DCDC1: variants seen among roughly 807,000 people sequenced by gnomAD.
DCDC1 encodes doublecortin domain-containing protein 1.
Under a neutral mutation model 178.3 loss-of-function variants are expected in DCDC1, and 200 were observed. The observed-to-expected ratio is 1.12, with a 90% CI of 1.00 to 1.26. The LOEUF (loss-of-function observed/expected upper bound fraction) is 1.26, where lower values mean the gene tolerates loss of function less well. Among genes scored for constraint, DCDC1 ranks in the 50% most tolerant of loss-of-function variants. The pLI, the probability that DCDC1 is intolerant of heterozygous loss-of-function variation, is 0.00. For synonymous variants in DCDC1, 690 were observed against 604.8 expected (o/e 1.14, Z -2.07); for missense variants, 1,983 against 1,749.2 (o/e 1.13, Z -2.38).
chr11:30,986,489 T>C (rs986243552), intron 20 of DCDC1, among the ~76,000 whole-genome samples: 2 of 151,642 alleles, frequency 1.3e-5, no homozygotes, highest in African/African-American at 4.8e-5. Context: ...CACACCACCA[T>C]GCCCAGCTAA....
chr11:30,949,668 T>C (rs990065664), intron 21 of DCDC1, among the ~76,000 whole-genome samples: 1 of 152,144 alleles, frequency 6.6e-6, no homozygotes, highest in African/African-American at 2.4e-5. Flanking sequence ...TGGAATACCA[T>C]GCAGCCATAA....
At chr11:30,904,657 GCATT>G (rs1379613264) in intron 31 of DCDC1, 1 of 341,296 alleles carries the variant, frequency 2.9e-6, no homozygotes, top group Non-Finnish European at 5.4e-6. Flanking sequence ...GCAGAAAAAG[GCATT>G]CAGTCTATCA....
intron 9 of DCDC1, among the ~76,000 whole-genome samples, chr11:31,213,145 CTCTCTCTCTCTCTCTCTGCTT>C (rs1398286453): frequency 1.2e-4 from 16 of 137,206 alleles, no homozygotes; most frequent in African/African-American, 3.4e-4. Context: ...CTCTCTCTCT[CTCTCTCTCTCTCTCTCTGCTT>C]TCTTTACCAG....
chr11:30,923,613 T>G (rs1010323651), intron 23 of DCDC1, among the ~76,000 whole-genome samples: 1 of 149,288 alleles, frequency 6.7e-6, no homozygotes, highest in Non-Finnish European at 1.5e-5. Flanking sequence ...TAAATAATAA[T>G]AATAATAATT....
intron 7 of DCDC1, among the ~76,000 whole-genome samples, chr11:31,270,028 A>T (rs2137155086): frequency 6.6e-6 from 1 of 152,256 alleles, no homozygotes; most frequent in South Asian, 2.1e-4. Flanking sequence ...GAACCTTGAA[A>T]CCTTTTAATA....
intron 20 of DCDC1, among the ~76,000 whole-genome samples, chr11:31,022,483 G>T (rs1009432228): frequency 1.4e-5 from 2 of 147,440 alleles, no homozygotes; most frequent in East Asian, 1.9e-4. Context: ...AGGTACTGGG[G>T]GTTATAACTT....
chr11:30,880,403 G>A (rs142081933), intron 37 of DCDC1, among the ~76,000 whole-genome samples: 7 of 152,102 alleles, frequency 4.6e-5, no homozygotes, highest in African/African-American at 1.7e-4. Flanking sequence ...AGATAGAATT[G>A]CAACTGTTTT....
intron 3 of DCDC1, among the ~76,000 whole-genome samples, chr11:31,314,706 T>C (rs541823526): frequency 2.6e-5 from 4 of 151,328 alleles, no homozygotes; most frequent in Non-Finnish European, 5.9e-5. Flanking sequence ...CATTTAAGAG[T>C]TTATCTGATT....
intron 9 of DCDC1, among the ~76,000 whole-genome samples, chr11:31,152,114 T>C (rs1965234152): frequency 6.6e-6 from 1 of 152,210 alleles, no homozygotes; most frequent in Non-Finnish European, 1.5e-5. Context: ...ATAATTTTCA[T>C]TCAACCTGGT....
intron 11 of DCDC1, among the ~76,000 whole-genome samples, chr11:31,118,035 T>C (rs1258597241): frequency 6.6e-6 from 1 of 152,118 alleles, no homozygotes; most frequent in Non-Finnish European, 1.5e-5. Context: ...CTGGCACCAA[T>C]ATATTTATTT....
intron 1 of DCDC1, among the ~76,000 whole-genome samples, chr11:31,356,443 A>T (rs1390807120): frequency 6.6e-6 from 1 of 152,178 alleles, no homozygotes; most frequent in Non-Finnish European, 1.5e-5. Context: ...AGCAGTATGT[A>T]GAGGGAAATT....
At position 30,899,580 on chromosome 11, in the gene DCDC1, C is replaced by T; in HGVS notation, c.4726G>A (p.Asp1576Asn). The T allele has an allele frequency of 6.3e-7, 1 of 1,586,198 alleles. No homozygotes were observed. Among genetic ancestry groups the T allele is most frequent in the Non-Finnish European group, 8.6e-7 (1 of 1,165,474 alleles). ...ATTTTGTGTCTCATGGTATCTAGAT[C>T]AGCCAAAATTCTGTCCTTTTTTAGC... ...NWLKKDRILADLDTMRHKMRQ... is the reference protein window; with the variant it reads ...NWLKKDRILANLDTMRHKMRQ... The change falls in exon 34 of 39, where the codon GAT (aspartate) becomes AAT (asparagine). Residue 1576 changes from aspartate to asparagine, a missense_variant. By Grantham distance (23) the Asp-to-Asn change is conservative (BLOSUM62 1). Transcript: ENST00000684477.
chr11:31,324,382 C>CT (rs1565609791), intron 3 of DCDC1, among the ~76,000 whole-genome samples: 1 of 151,646 alleles, frequency 6.6e-6, no homozygotes, highest in Non-Finnish European at 1.5e-5. Flanking sequence ...AAATTTAAAA[C>CT]TGGGGGGCTT....
At chr11:31,223,214 C>T (rs1005144789) in intron 9 of DCDC1, among the ~76,000 whole-genome samples, 4 of 151,990 alleles carry the variant, frequency 2.6e-5, no homozygotes, top group Admixed American at 2.0e-4. Flanking sequence ...AATTATATTA[C>T]AATAGGAGAA....
intron 20 of DCDC1, among the ~76,000 whole-genome samples, chr11:31,034,467 C>T (rs288470): frequency 0.089 from 13,607 of 152,204 alleles, 819 homozygotes; most frequent in East Asian, 0.29. Flanking sequence ...CTACAAGCTC[C>T]ATTCATGGTA....
chr11:31,236,121 C>A (rs776907023), intron 9 of DCDC1, among the ~76,000 whole-genome samples: 1 of 151,950 alleles, frequency 6.6e-6, no homozygotes, highest in Non-Finnish European at 1.5e-5. Context: ...ATGAAATGTT[C>A]CATGAAGATA....
chr11:31,154,829 C>T (rs1965554448), intron 9 of DCDC1, among the ~76,000 whole-genome samples: 1 of 152,138 alleles, frequency 6.6e-6, no homozygotes, highest in African/African-American at 2.4e-5. Flanking sequence ...TCATTACTGG[C>T]TCCGTCCTCT....
intron 9 of DCDC1, among the ~76,000 whole-genome samples, chr11:31,222,952 T>C (rs984820810): frequency 6.6e-6 from 1 of 152,186 alleles, no homozygotes; most frequent in African/African-American, 2.4e-5. Context: ...TTAACAGATA[T>C]ATTTATAATG....
intron 18 of DCDC1, among the ~76,000 whole-genome samples, chr11:31,073,113 C>A (rs1449085261): frequency 1.3e-5 from 2 of 152,032 alleles, no homozygotes; most frequent in East Asian, 3.9e-4. Flanking sequence ...ATCAAAATTT[C>A]TAAACCTCTA....
Sources: gnomAD v4.1 joint callset for allele counts (sites outside exome capture counted in the v4.1 genomes callset) on GRCh38, gnomAD v4.1.1 for gene constraint, MANE v1.5 for transcripts, NCBI Gene and HGNC (gene_info 2026-07-23, HGNC 2026-07-21) for gene names.